Variants in GMDS observed in about 807,000 individuals in gnomAD.
The protein encoded by GMDS is GDP-mannose 4,6-dehydratase.
In GMDS, 20 loss-of-function variants were observed where a neutral mutation model predicts 49.9. That is an observed-to-expected ratio of 0.40 (90% CI 0.28 to 0.58). The LOEUF (loss-of-function observed/expected upper bound fraction) is 0.58. Ranked by LOEUF, GMDS falls within the 20% of genes least tolerant of loss-of-function variation. GMDS has a pLI of 0.42. For missense variants in GMDS, 362 were observed against 481.4 expected (o/e 0.75, Z 2.32); for synonymous variants, 177 against 178.6 (o/e 0.99, Z 0.07).
chr6:1,669,570 C>T (rs978859656), intron 9 of GMDS, among the ~76,000 whole-genome samples: 2 of 152,178 alleles, frequency 1.3e-5, no homozygotes, highest in Admixed American at 1.3e-4. Context: ...GTGCTGAGCA[C>T]TTCACCGCAG....
chr6:1,676,045 C>A (rs1764612711), intron 9 of GMDS, among the ~76,000 whole-genome samples: 1 of 152,152 alleles, frequency 6.6e-6, no homozygotes, highest in African/African-American at 2.4e-5. Context: ...ATTGTCTCAG[C>A]CCAAAATCTC....
At chr6:2,209,244 G>C (rs902888840) in intron 1 of GMDS, among the ~76,000 whole-genome samples, 1 of 152,200 alleles carries the variant, frequency 6.6e-6, no homozygotes, top group African/African-American at 2.4e-5. Flanking sequence ...AAAAATAAGA[G>C]CACTGGTTGC....
intron 4 of GMDS, among the ~76,000 whole-genome samples, chr6:2,079,989 ATTATTCTTTT>A (rs1772582782): frequency 6.6e-6 from 1 of 152,142 alleles, no homozygotes; most frequent in Non-Finnish European, 1.5e-5. Flanking sequence ...GAAGGCTTCA[ATTATTCTTTT>A]TTATTCTTTT....
Position 1,819,338 on chromosome 6 carries a change from A to C in GMDS, c.772-76752T>G, listed in dbSNP as rs560737511. 8.7e-4 allele frequency among the ~76,000 whole-genome samples: 133 copies of C among 152,334 alleles called. 1 individual carries two copies. Among genetic ancestry groups the C allele is most frequent in the African/African-American group, 3.1e-3 (129 of 41,576 alleles). On this transcript the variant is annotated intron_variant, in intron 7 of 10. Transcript: ENST00000380815. ...AATTACTAAGTGGTTTATTTTAATA[A>C]ACTCAAATGTTTTTATTCGACGGAT...
Position 1,742,149 on chromosome 6 carries a change from T to C in GMDS, c.890+319A>G, listed in dbSNP as rs568964193. ...GTTGGTCAGGCTGGTCTTGAACTCC[T>C]GACCTCATGATCCTCCTGTCTCGGC... On this transcript the variant is annotated intron_variant, in intron 8 of 10. Coordinates refer to ENST00000380815, the MANE Select transcript of GMDS (RefSeq NM_001500.4). 2.0e-5 allele frequency among the ~76,000 whole-genome samples: 3 copies of C among 152,146 alleles called. No homozygotes were observed. In the South Asian group the frequency reaches 6.2e-4, roughly 32 times the overall value.
intron 7 of GMDS, among the ~76,000 whole-genome samples, chr6:1,827,292 C>T (rs1357516654): frequency 6.6e-6 from 1 of 151,798 alleles, no homozygotes; most frequent in African/African-American, 2.4e-5. Flanking sequence ...TGTATATACA[C>T]ACATGTTTTG....
At chr6:1,903,092 T>A (rs1561876408) in intron 7 of GMDS, among the ~76,000 whole-genome samples, 1 of 152,170 alleles carries the variant, frequency 6.6e-6, no homozygotes, top group Non-Finnish European at 1.5e-5. Context: ...ATTTACAAAG[T>A]TTCTACATAG....
chr6:2,061,095 G>A lies in GMDS; in HGVS notation c.345+54676C>T, dbSNP rs185245986. 2.5e-4 allele frequency among the ~76,000 whole-genome samples: 38 copies of A among 152,200 alleles called. No homozygotes were observed. In the East Asian group the frequency reaches 3.3e-3, roughly 13 times the overall value. Reference sequence around the variant, plus strand: ...TGAAGGCGTCTGGGAGCAGAAGGCCGTGAGGCAGGAGCACGGTTGCTGTGT... The same window carrying A: ...TGAAGGCGTCTGGGAGCAGAAGGCCATGAGGCAGGAGCACGGTTGCTGTGT... On this transcript the variant is annotated intron_variant, in intron 4 of 10. Coordinates refer to ENST00000380815, the MANE Select transcript of GMDS (RefSeq NM_001500.4).
intron 7 of GMDS, among the ~76,000 whole-genome samples, chr6:1,902,011 A>G (rs1760526802): frequency 6.6e-6 from 1 of 152,248 alleles, no homozygotes; most frequent in Non-Finnish European, 1.5e-5. Context: ...TCAAAATTAA[A>G]ATACAAAAGA....
intron 9 of GMDS, among the ~76,000 whole-genome samples, chr6:1,714,423 T>C (rs539647755): frequency 1.2e-3 from 179 of 152,050 alleles, no homozygotes; most frequent in African/African-American, 2.3e-3. Context: ...AAGAAAAACA[T>C]TGAAGATTCT....
chr6:2,188,430 A>C (rs1031830014), intron 1 of GMDS, among the ~76,000 whole-genome samples: 3 of 152,180 alleles, frequency 2.0e-5, no homozygotes, highest in African/African-American at 7.2e-5. Context: ...CTGGTCACTA[A>C]TCCATCTCTC....
chr6:2,145,400 T>C (rs1369362584), intron 1 of GMDS, among the ~76,000 whole-genome samples: 1 of 151,440 alleles, frequency 6.6e-6, no homozygotes, highest in African/African-American at 2.4e-5. Flanking sequence ...TAGCCGGGCG[T>C]GGTGGTGGAT....
intron 1 of GMDS, among the ~76,000 whole-genome samples, chr6:2,145,361 C>A (rs1459012715): frequency 6.6e-6 from 1 of 151,700 alleles, no homozygotes; most frequent in Non-Finnish European, 1.5e-5. Flanking sequence ...AGGGTGAAAC[C>A]CCATCTCTAC....
At chr6:1,763,506 C>T (rs1350903303) in intron 7 of GMDS, among the ~76,000 whole-genome samples, 1 of 152,204 alleles carries the variant, frequency 6.6e-6, no homozygotes, top group African/African-American at 2.4e-5. Flanking sequence ...CCACAGACTG[C>T]AGGTGGACAG....
chr6:2,229,733 C>A (rs370503696), intron 1 of GMDS, among the ~76,000 whole-genome samples: 206 of 152,266 alleles, frequency 1.4e-3, no homozygotes, highest in African/African-American at 4.8e-3. Context: ...TCATCCCTGA[C>A]AAAAATATTT....
At chr6:1,720,695 C>A (rs939944472) in intron 9 of GMDS, among the ~76,000 whole-genome samples, 16 of 152,160 alleles carry the variant, frequency 1.1e-4, no homozygotes, top group Non-Finnish European at 2.1e-4. Flanking sequence ...GGAAGAAAGG[C>A]ACTCATCCTT....
At chr6:2,117,747 G>A (rs1013485988) in intron 2 of GMDS, among the ~76,000 whole-genome samples, 191 bp from the exon 3 acceptor site, 2 of 152,120 alleles carry the variant, frequency 1.3e-5, no homozygotes, top group African/African-American at 4.8e-5. Context: ...TCTTTCCCCA[G>A]CGATTTTACT....
At chr6:1,901,989 C>G (rs1405807632) in intron 7 of GMDS, among the ~76,000 whole-genome samples, 1 of 152,196 alleles carries the variant, frequency 6.6e-6, no homozygotes, top group Non-Finnish European at 1.5e-5. Flanking sequence ...TTTATTTAAA[C>G]ACGAAAATAC....
At chr6:1,983,785 G>A (rs1283564059) in intron 4 of GMDS, among the ~76,000 whole-genome samples, 1 of 152,158 alleles carries the variant, frequency 6.6e-6, no homozygotes, top group East Asian at 1.9e-4. Context: ...GTGTAAATTA[G>A]TTCAACCATT....
Sources: gnomAD v4.1 joint callset for allele counts (sites outside exome capture counted in the v4.1 genomes callset) on GRCh38, gnomAD v4.1.1 for gene constraint, MANE v1.5 for transcripts, NCBI Gene and HGNC (gene_info 2026-07-23, HGNC 2026-07-21) for gene names.